NEUROG2: variants seen among roughly 807,000 people sequenced by gnomAD.
NEUROG2 encodes the protein neurogenin-2.
In NEUROG2, 1 loss-of-function variant was observed where a neutral mutation model predicts 2.8. The ratio of observed to expected loss-of-function variants is 0.36; its 90% CI spans 0.13 to 1.71. The LOEUF is 1.71. Among genes scored for constraint, NEUROG2 ranks in the 40% most tolerant of loss-of-function variants. The probability of loss-of-function intolerance (pLI) is 0.34; values close to 1 mark genes in which losing one functional copy is unlikely to be tolerated. For missense variants in NEUROG2, 397 were observed against 392.7 expected, an observed-to-expected ratio of 1.01 and a Z score of -0.09; for synonymous variants, 211 against 187.7, an observed-to-expected ratio of 1.12 and a Z score of -1.01.
At position 112,515,217 on chromosome 4, in the gene NEUROG2, T is replaced by C; in HGVS notation, c.259A>G (p.Lys87Glu). 1 of 1,606,234 alleles carries C rather than the reference T, an allele frequency of 6.2e-7. No homozygotes were observed. Among genetic ancestry groups the C allele is most frequent in the Non-Finnish European group, 8.5e-7 (1 of 1,179,440 alleles). ...GCCCGCGCCCGGGAAGGGCGCCGTT[T>C]GCAATCGTGTACCAGACCCAGCAGC... ...ARLLGLVHDCKRRPSRARAVS... is the reference protein window; with the variant it reads ...ARLLGLVHDCERRPSRARAVS... Residue 87 changes from lysine to glutamate, a missense_variant, in exon 2 of 2, where the codon AAA becomes GAA. By Grantham distance (56) the Lys-to-Glu change is moderately conservative. Coordinates refer to ENST00000313341, the MANE Select transcript of NEUROG2 (RefSeq NM_024019.4).
Position 112,514,690 on chromosome 4 carries a change from T to G in NEUROG2, c.786A>C (p.Ala262=), listed in dbSNP as rs1248072412. 1 of 1,513,744 alleles carries G rather than the reference T, an allele frequency of 6.6e-7. No homozygotes were observed. Among genetic ancestry groups the G allele is most frequent in the East Asian group, 2.3e-5 (1 of 43,310 alleles). 93.8% of individuals were successfully genotyped at this position (1,513,744 alleles called of 1,614,324 possible). The change falls in exon 2 of 2, where the codon GCA becomes GCC. Residue 262 remains alanine (A), a synonymous_variant. Transcript: ENST00000313341. ...QPPPPDKHRY[A]PHLPIARDCI ...AATCCCTGGCTATGGGGAGGTGAGGTGCATAGCGGTGCTTGTCGGGAGGTG... is the reference window on the plus strand; with the variant it reads ...AATCCCTGGCTATGGGGAGGTGAGGGGCATAGCGGTGCTTGTCGGGAGGTG...
chr4:112,514,575 G>A lies in NEUROG2; in HGVS notation c.*82C>T, dbSNP rs371525991. ...TGGTTTCCAGGGCGTGGAAAGGAGG[G>A]GCAGGGGAAGGGAGGAGGGCTCGAC... is the stretch of plus-strand genomic sequence containing the variant. On this transcript the variant is annotated 3_prime_UTR_variant, in exon 2 of 2. Coordinates refer to ENST00000313341, the MANE Select transcript of NEUROG2 (RefSeq NM_024019.4). The A allele has an allele frequency of 6.5e-5, 75 of 1,150,912 alleles. No homozygotes were observed. The East Asian group carries it at 1.3e-3, about 19-fold the overall frequency. 71.3% of individuals were successfully genotyped at this position (1,150,912 alleles called of 1,614,324 possible). A position where few individuals can be genotyped will look rare whatever the true frequency, so the allele number is the denominator to read the frequency against.
chr4:112,514,223 T>A lies in NEUROG2; in HGVS notation c.*434A>T, dbSNP rs1174677192. ...TTTCTACTCGACATTAACATCTCTA[T>A]GTAGAAGCAAAGGTGAAGAGATCAC... On this transcript the variant is annotated 3_prime_UTR_variant, in exon 2 of 2. Coordinates refer to ENST00000313341, the MANE Select transcript of NEUROG2 (RefSeq NM_024019.4). 5.9e-6 allele frequency: 1 copy of A among 170,616 alleles called. No homozygotes were observed. Among genetic ancestry groups the A allele is most frequent in the South Asian group, 2.0e-4 (1 of 5,014 alleles). The allele number at this position is 170,616 out of a possible 1,614,324, so 10.6% of individuals were successfully genotyped here.
In NEUROG2 at chr4:112,514,516, A is replaced by C. The variant is rs1736379729; in HGVS notation, c.*141T>G. On this transcript the variant is annotated 3_prime_UTR_variant, in exon 2 of 2. Coordinates refer to ENST00000313341, the MANE Select transcript of NEUROG2 (RefSeq NM_024019.4). ...AAGAAATGCAAGAAACAACCGAGGA[A>C]TCAGAAAGGCTACACCTGCCCTGTG... 7.2e-6 allele frequency: 4 copies of C among 552,112 alleles called. No individual in the cohort carries two copies. Among genetic ancestry groups the C allele is most frequent in the Non-Finnish European group, 1.1e-5 (4 of 349,188 alleles). 34.2% of individuals were successfully genotyped at this position (552,112 alleles called of 1,614,324 possible).
In NEUROG2 at chr4:112,515,298, C is replaced by A; in HGVS notation, c.178G>T (p.Gly60Trp). 6.8e-7 allele frequency: 1 copy of A among 1,464,318 alleles called. No homozygotes were observed. 90.7% of individuals were successfully genotyped at this position (1,464,318 alleles called of 1,614,324 possible). The change falls in exon 2 of 2, where the codon GGG (glycine) becomes TGG (tryptophan). Residue 60 changes from glycine to tryptophan, a missense_variant. Physicochemically the swap from Gly to Trp is radical, Grantham distance 184. Coordinates refer to ENST00000313341, the MANE Select transcript of NEUROG2 (RefSeq NM_024019.4). ...GARRQRGAEA[G>W]QGARGGVAAG... is the part of the protein sequence containing the mutation. ...GCCACGCCGCCCCGCGCCCCCTGCC[C>A]GGCCTCAGCCCCGCGCTGCCGACGC...
chr4:112,515,322 GCGCCCCGCC>G lies in NEUROG2; in HGVS notation c.145_153del (p.Gly49_Ala51del). On this transcript the variant is annotated inframe_deletion, in exon 2 of 2. Coordinates refer to ENST00000313341, the MANE Select transcript of NEUROG2 (RefSeq NM_024019.4). ...CCGGCCTCAGCCCCGCGCTGCCGAC[GCGCCCCGCC>G]TGACGCGCCCGGCTCCTCCTCCTCT... The G allele has an allele frequency of 7.0e-7, 1 of 1,419,534 alleles. No homozygotes were observed. 87.9% of individuals were successfully genotyped at this position (1,419,534 alleles called of 1,614,324 possible).
Position 112,514,497 on chromosome 4 carries a change from T to C in NEUROG2, c.*160A>G. ...ATGAAGGATACCCAAAGCCAAGAAA[T>C]GCAAGAAACAACCGAGGAATCAGAA... On this transcript the variant is annotated 3_prime_UTR_variant, in exon 2 of 2. Coordinates refer to ENST00000313341, the MANE Select transcript of NEUROG2 (RefSeq NM_024019.4). The C allele has an allele frequency of 4.0e-6, 2 of 502,882 alleles. No homozygotes were observed. Among genetic ancestry groups the C allele is most frequent in the Non-Finnish European group, 6.5e-6 (2 of 309,122 alleles). 31.2% of individuals were successfully genotyped at this position (502,882 alleles called of 1,614,324 possible). A position where few individuals can be genotyped will look rare whatever the true frequency, so the allele number is the denominator to read the frequency against.
chr4:112,515,096 T>C lies in NEUROG2; in HGVS notation c.380A>G (p.Asn127Ser). ...ANNRERNRMHNLNAALDALRE... is the reference protein window; with the variant it reads ...ANNRERNRMHSLNAALDALRE... Reference sequence around the variant, plus strand: ...CAGCGCGTCCAGTGCCGCGTTGAGGTTGTGCATGCGGTTTCGCTCGCGGTT... The same window carrying C: ...CAGCGCGTCCAGTGCCGCGTTGAGGCTGTGCATGCGGTTTCGCTCGCGGTT... Residue 127 changes from asparagine (N) to serine (S), a missense_variant, in exon 2 of 2, where the codon AAC (asparagine) becomes AGC (serine). Physicochemically the swap from Asn to Ser is conservative, Grantham distance 46. Transcript: ENST00000313341. 1 of 1,613,898 alleles carries C rather than the reference T, an allele frequency of 6.2e-7. No individual in the cohort carries two copies. Among genetic ancestry groups the C allele is most frequent in the Non-Finnish European group, 8.5e-7 (1 of 1,179,878 alleles).
rs764918821 is a variant in NEUROG2, at chr4:112,514,657, C to T, written c.819G>A (p.Ter273=). 7.3e-6 allele frequency: 11 copies of T among 1,505,380 alleles called. No homozygotes were observed. The highest frequency in any genetic ancestry group is 1.4e-5 in the South Asian group (1 of 72,804). 93.3% of individuals were successfully genotyped at this position (1,505,380 alleles called of 1,614,324 possible). The change falls in exon 2 of 2, where the codon TAG becomes TAA. Residue 273 remains the stop codon, a stop_retained_variant. Transcript: ENST00000313341. The part of the protein sequence containing the change: ...PHLPIARDCI[*] ...GGCGTGGGTAGCAGAAATGGCAGCT[C>T]TAGATACAATCCCTGGCTATGGGGA...
intron 1 of NEUROG2, 50 bp from the exon 2 acceptor site, chr4:112,515,526 CAG>C (rs1233842745): frequency 6.9e-7 from 1 of 1,448,094 alleles, no homozygotes; most frequent in South Asian, 1.4e-5. Flanking sequence ...AGGAAAGAAA[CAG>C]AGGCGCGATC....
chr4:112,515,756 A>G (rs1037345386), intron 1 of NEUROG2, 91 bp downstream of exon 1: 2 of 287,106 alleles, frequency 7.0e-6, no homozygotes, highest in Non-Finnish European at 1.3e-5. Flanking sequence ...CGCGACAAAG[A>G]TTCTGCGCGG....
intron 1 of NEUROG2, 159 bp downstream of exon 1, chr4:112,515,688 G>C: frequency 2.6e-6 from 1 of 390,834 alleles, no homozygotes; most frequent in South Asian, 5.6e-5. Flanking sequence ...CCAGTCAGCC[G>C]GGTCCTGCCC....
Position 112,514,378 on chromosome 4 carries a change from G to T in NEUROG2, c.*279C>A. 1 of 369,514 alleles carries T rather than the reference G, an allele frequency of 2.7e-6. No homozygotes were observed. The highest frequency in any genetic ancestry group is 4.8e-6 in the Non-Finnish European group (1 of 208,974). 22.9% of individuals were successfully genotyped at this position (369,514 alleles called of 1,614,324 possible). On this transcript the variant is annotated 3_prime_UTR_variant, in exon 2 of 2. Transcript: ENST00000313341. Reference sequence around the variant, plus strand: ...GATATGCCACCATCATCTCTTCCCAGGGTCTTTTTCGTCTCAAGAAGCGCC... The same window carrying T: ...GATATGCCACCATCATCTCTTCCCATGGTCTTTTTCGTCTCAAGAAGCGCC...
intron 1 of NEUROG2, 44 bp from the exon 2 acceptor site, chr4:112,515,520 A>G (rs1736419861): frequency 6.8e-7 from 1 of 1,466,794 alleles, no homozygotes; most frequent in South Asian, 1.4e-5. Flanking sequence ...GGTGTAAGGA[A>G]AGAAACAGAG....
At chr4:112,515,708 G>A (rs536232595) in intron 1 of NEUROG2, 139 bp downstream of exon 1, 3 of 359,826 alleles carry the variant, frequency 8.3e-6, no homozygotes, top group South Asian at 1.3e-4. Context: ...CTCCGCGGGC[G>A]GTCCTGCGTT....
At position 112,514,431 on chromosome 4, in the gene NEUROG2, A is replaced by G. The variant is rs1736377792; in HGVS notation, c.*226T>C. On this transcript the variant is annotated 3_prime_UTR_variant, in exon 2 of 2. Coordinates refer to ENST00000313341, the MANE Select transcript of NEUROG2 (RefSeq NM_024019.4). ...CAAAACGCCACCCTTGGCTTTGACA[A>G]TAAGCTCCATCACACCTTCAGTAAA... The G allele has an allele frequency of 2.4e-6, 1 of 411,406 alleles. No individual in the cohort carries two copies. The highest frequency in any genetic ancestry group is 4.2e-6 in the Non-Finnish European group (1 of 238,134). 25.5% of individuals were successfully genotyped at this position (411,406 alleles called of 1,614,324 possible). A position where few individuals can be genotyped will look rare whatever the true frequency, so the allele number is the denominator to read the frequency against.
rs549601231 is a variant in NEUROG2 at position 112,513,568 on chromosome 4, G to C, written c.*1089C>G. ...GTTTAATCACAAGAACAACTTTCTT[G>C]TTCTTCAAGATGTAAATACATACTA... On this transcript the variant is annotated 3_prime_UTR_variant, in exon 2 of 2. Transcript: ENST00000313341. 6.5e-6 allele frequency: 1 copy of C among 152,688 alleles called. No individual in the cohort carries two copies. The highest frequency in any genetic ancestry group is 2.1e-4 in the South Asian group (1 of 4,826). The allele number at this position is 152,688 out of a possible 1,614,324, so 9.5% of individuals were successfully genotyped here. A position where few individuals can be genotyped will look rare whatever the true frequency, so the allele number is the denominator to read the frequency against.
chr4:112,513,902 A>C lies in NEUROG2; in HGVS notation c.*755T>G, dbSNP rs2148785168. 6.5e-6 allele frequency: 1 copy of C among 152,750 alleles called. No homozygotes were observed. The highest frequency in any genetic ancestry group is 2.4e-5 in the African/African-American group (1 of 41,564). 9.5% of individuals were successfully genotyped at this position (152,750 alleles called of 1,614,324 possible). ...GCATTCAATCATTACAAAGCCTACA[A>C]ATTATACAATGACTTCTAACCTGCC... On this transcript the variant is annotated 3_prime_UTR_variant, in exon 2 of 2. Coordinates refer to ENST00000313341, the MANE Select transcript of NEUROG2 (RefSeq NM_024019.4).
At chr4:112,515,821 T>C (rs1033732193) in intron 1 of NEUROG2, 26 bp downstream of exon 1, 5 of 180,250 alleles carry the variant, frequency 2.8e-5, no homozygotes, top group Non-Finnish European at 3.5e-5. Flanking sequence ...ACCTGCGTAG[T>C]TGGAAGCGGT....
Sources: allele counts gnomAD v4.1 joint callset, GRCh38; gene constraint gnomAD v4.1.1; transcripts MANE v1.5; gene names NCBI Gene and HGNC (gene_info 2026-07-23, HGNC 2026-07-21).